SPC25: variants seen among roughly 807,000 people sequenced by gnomAD.
SPC25 encodes the protein kinetochore protein Spc25.
SPC25 carries 22 observed loss-of-function variants against 29.6 expected under a neutral mutation model. The ratio of observed to expected loss-of-function variants is 0.74; its 90% confidence interval spans 0.53 to 1.06. The LOEUF (loss-of-function observed/expected upper bound fraction) is 1.06, where lower values mean the gene tolerates loss of function less well. Among genes scored for constraint, SPC25 ranks in the 50% least tolerant of loss-of-function variants. SPC25 has a pLI of 0.00. For missense variants in SPC25, 230 were observed against 255.8 expected (o/e 0.90, Z 0.69); for synonymous variants, 91 against 90.4 (o/e 1.01, Z -0.04).
At chr2:168,880,293 C>T (rs1479776040) in intron 3 of SPC25, among the ~76,000 whole-genome samples, 1 of 152,210 alleles carries the variant, frequency 6.6e-6, no homozygotes, top group Non-Finnish European at 1.5e-5. Flanking sequence ...AGCTAGATAA[C>T]TTGCTGTAGC....
chr2:168,889,335 A>AAAAAT (rs1168906667), intron 2 of SPC25, 44 bp from the exon 3 acceptor site: 1 of 1,613,360 alleles, frequency 6.2e-7, no homozygotes, highest in Non-Finnish European at 8.5e-7. Flanking sequence ...AATAACACTA[A>AAAAAT]AAAATAAACT....
intron 6 of SPC25, 40 bp downstream of exon 6, chr2:168,873,545 C>A: frequency 2.1e-6 from 3 of 1,402,590 alleles, no homozygotes; most frequent in Non-Finnish European, 3.0e-6. Context: ...CATTTTGGAA[C>A]GCCAATCTTA....
downstream of SPC25, among the ~76,000 whole-genome samples, chr2:168,868,228 A>G (rs1372767727): frequency 1.3e-5 from 2 of 152,268 alleles, no homozygotes; most frequent in Non-Finnish European, 2.9e-5. Context: ...AATTTATAGC[A>G]CTAAATGCCC....
intron 3 of SPC25, among the ~76,000 whole-genome samples, chr2:168,882,342 C>G (rs1257683686): frequency 6.6e-6 from 1 of 152,230 alleles, no homozygotes; most frequent in African/African-American, 2.4e-5. Context: ...CATGGCGGCT[C>G]ACGCCTGTAA....
chr2:168,864,512 C>A (rs1689728909), intron 4 of SPC25, among the ~76,000 whole-genome samples: 1 of 152,110 alleles, frequency 6.6e-6, no homozygotes, highest in Non-Finnish European at 1.5e-5. Flanking sequence ...TCTCGAAACT[C>A]CTGACCTTGT....
intron 3 of SPC25, among the ~76,000 whole-genome samples, chr2:168,881,698 A>T (rs938492833): frequency 1.3e-5 from 2 of 152,252 alleles, no homozygotes; most frequent in Non-Finnish European, 1.5e-5. Context: ...GTAGTCTAGA[A>T]TTGTATCAAA....
At chr2:168,888,976 C>CATATATGTATATAT in intron 3 of SPC25, among the ~76,000 whole-genome samples, 1 of 126,742 alleles carries the variant, frequency 7.9e-6, no homozygotes. Context: ...TATATATACA[C>CATATATGTATATAT]ACACACATAT....
rs555540402 is a variant in SPC25 at position 168,889,671 on chromosome 2, G to T, written c.-14-138C>A. ...TTATCTTTAATTCTAGGTATTCAAG[G>T]GTAGATCAAGCCACCTGGGCTTAAC... On this transcript the variant is annotated intron_variant, in intron 1 of 6. Transcript: ENST00000282074. 10 of 888,928 alleles carry T rather than the reference G, an allele frequency of 1.1e-5. No individual in the cohort carries two copies. In the African/African-American group the frequency reaches 1.5e-4, roughly 14 times the overall value. The allele number at this position is 888,928 out of a possible 1,614,324, so 55.1% of individuals were successfully genotyped here.
downstream of SPC25, among the ~76,000 whole-genome samples, chr2:168,866,190 G>GCCCT (rs1488464825): frequency 1.3e-5 from 2 of 152,304 alleles, no homozygotes; most frequent in Non-Finnish European, 2.9e-5. Flanking sequence ...AAAGAACAAA[G>GCCCT]CCAGAGGCAT....
intron 1 of SPC25, 82 bp from the exon 2 acceptor site, chr2:168,889,615 G>A: frequency 7.0e-7 from 1 of 1,426,180 alleles, no homozygotes; most frequent in Non-Finnish European, 9.4e-7. Context: ...ACAGTATTTT[G>A]GCAATTTGTC....
Position 168,890,363 on chromosome 2 carries a change from C to T in SPC25, c.-60G>A, listed in dbSNP as rs1690374886. 1.0e-6 allele frequency: 1 copy of T among 985,510 alleles called. No homozygotes were observed. The highest frequency in any genetic ancestry group is 1.1e-4 in the East Asian group (1 of 8,810). 61.0% of individuals were successfully genotyped at this position (985,510 alleles called of 1,614,324 possible). A position where few individuals can be genotyped will look rare whatever the true frequency, so the allele number is the denominator to read the frequency against. ...CCCGCCGCCTTCCCCACACCAGATC[C>T]GCGCCCACTCTAGCCAACAGCCGGA... is the stretch of plus-strand genomic sequence containing the variant. On this transcript the variant is annotated 5_prime_UTR_variant, in exon 1 of 7. Coordinates refer to ENST00000282074, the MANE Select transcript of SPC25 (RefSeq NM_020675.4).
At chr2:168,888,737 TTG>T (rs542715338) in intron 3 of SPC25, among the ~76,000 whole-genome samples, 3 of 151,096 alleles carry the variant, frequency 2.0e-5, no homozygotes, top group Non-Finnish European at 4.4e-5. Context: ...GTGTATGTAT[TTG>T]TGTGTGTATG....
chr2:168,879,912 T>C (rs1690147584), intron 3 of SPC25, among the ~76,000 whole-genome samples: 1 of 152,202 alleles, frequency 6.6e-6, no homozygotes, highest in Non-Finnish European at 1.5e-5. Context: ...AGCAGAAATA[T>C]TTTGAAAGCC....
chr2:168,863,774 C>T (rs183055026), intron 4 of SPC25: 51 of 478,780 alleles, frequency 1.1e-4, no homozygotes, highest in African/African-American at 5.1e-4. Context: ...GCAGCCAACA[C>T]GCCAAACAAT....
At chr2:168,872,702 CTAAA>C (rs1409087696) in intron 6 of SPC25, among the ~76,000 whole-genome samples, 2 of 151,966 alleles carry the variant, frequency 1.3e-5, no homozygotes, top group East Asian at 3.9e-4. Context: ...AATTGAAAAG[CTAAA>C]TAAGAGGTTT....
chr2:168,879,268 C>T (rs898832420), intron 3 of SPC25, among the ~76,000 whole-genome samples: 3 of 152,204 alleles, frequency 2.0e-5, no homozygotes, highest in Non-Finnish European at 4.4e-5. Context: ...GCATTTACCC[C>T]TGGTAGAACT....
chr2:168,888,838 GC>G (rs1225405858), intron 3 of SPC25, among the ~76,000 whole-genome samples: 1 of 145,216 alleles, frequency 6.9e-6, no homozygotes, highest in Non-Finnish European at 1.5e-5. Context: ...TGTTGCTTGG[GC>G]TGGTCTTCAA....
Position 168,877,229 on chromosome 2 carries a change from G to A in SPC25, c.346+9C>T. 1 of 1,611,998 alleles carries A rather than the reference G, an allele frequency of 6.2e-7. No individual in the cohort carries two copies. Among genetic ancestry groups the A allele is most frequent in the Admixed American group, 1.7e-5 (1 of 59,732 alleles). ...TTTTAGATCAGTATGTTTATAAGAG[G>A]AAACTTACTTTCCTTCTTCCTAGAA... is the stretch of plus-strand genomic sequence containing the variant. On this transcript the variant is annotated intron_variant, in intron 4 of 6. Transcript: ENST00000282074.
chr2:168,861,782 GCAT>G (rs1378846526), intron 4 of SPC25, among the ~76,000 whole-genome samples: 3 of 152,126 alleles, frequency 2.0e-5, no homozygotes, highest in Non-Finnish European at 4.4e-5. Flanking sequence ...TATAGAAAGT[GCAT>G]CATAAGTGGT....
Sources: gnomAD v4.1 joint callset for allele counts (sites outside exome capture counted in the v4.1 genomes callset) on GRCh38, gnomAD v4.1.1 for gene constraint, MANE v1.5 for transcripts, NCBI Gene and HGNC (gene_info 2026-07-23, HGNC 2026-07-21) for gene names.